The following KIF7 variants were observed in gnomAD, a reference collection of about 807,000 sequenced individuals.
KIF7 encodes kinesin-like protein KIF7.
KIF7 carries 104 observed loss-of-function variants against 135.7 expected under a neutral mutation model. That is an observed-to-expected ratio of 0.77 (90% confidence interval 0.65 to 0.90). KIF7 has a LOEUF of 0.90. Ranked by LOEUF, KIF7 falls within the 40% of genes least tolerant of loss-of-function variation. KIF7 has a pLI of 0.00. For synonymous variants in KIF7, 883 were observed against 809.4 expected, an observed-to-expected ratio of 1.09 and a Z score of -1.54; for missense variants, 2,005 against 1,839.1, an observed-to-expected ratio of 1.09 and a Z score of -1.65.
At chr15:89,635,252 C>A (rs1223528283) in intron 11 of KIF7, among the ~76,000 whole-genome samples, 2 of 152,162 alleles carry the variant, frequency 1.3e-5, no homozygotes, top group Non-Finnish European at 1.5e-5. Flanking sequence ...AAAATGGAAA[C>A]TCTAAAAAGC....
chr15:89,623,939 G>T (rs944004529), downstream of KIF7: 1 of 1,613,954 alleles, frequency 6.2e-7, no homozygotes, highest in Non-Finnish European at 8.5e-7. Flanking sequence ...TTGCCAAACT[G>T]TACTTGGCCA....
intron 18 of KIF7, 81 bp downstream of exon 18, chr15:89,628,895 A>T: frequency 6.2e-7 from 1 of 1,612,012 alleles, no homozygotes; most frequent in South Asian, 1.1e-5. Context: ...TTGAGCCAAT[A>T]AAGGCTCGAG....
At chr15:89,655,259 G>A (rs1334873336) in intron 1 of KIF7, 140 bp downstream of exon 1, 1 of 152,286 alleles carries the variant, frequency 6.6e-6, no homozygotes, top group Non-Finnish European at 1.5e-5. Context: ...CAAGGGTGCC[G>A]GGCTCCTCAT....
chr15:89,625,200 C>T (rs575762088), downstream of KIF7: 113 of 1,613,748 alleles, frequency 7.0e-5, no homozygotes, highest in South Asian at 1.2e-3. Context: ...CCCGCCTCTC[C>T]CACAGCACAC....
In KIF7 at chr15:89,643,878, C is replaced by T. The variant is rs567262385; in HGVS notation, c.2191+1135G>A. ...CCAGCTTGGCAACAGAGTGAGACTC[C>T]GTCTCAGAAAAAAAAAAAAAAAAAA... is the stretch of plus-strand genomic sequence containing the variant. On this transcript the variant is annotated intron_variant, in intron 10 of 18. Transcript: ENST00000394412. Among the ~76,000 whole-genome samples the T allele has an allele frequency of 1.7e-4, 20 of 117,812 alleles. No homozygotes were observed. The South Asian group carries it at 5.7e-3, about 34-fold the overall frequency. The allele number at this position is 117,812 out of a possible 152,430, so 77.3% of individuals were successfully genotyped here. A position where few individuals can be genotyped will look rare whatever the true frequency, so the allele number is the denominator to read the frequency against.
In KIF7 at chr15:89,630,322, CTG is replaced by C. The variant is rs1963645217; in HGVS notation, c.3281_3282del (p.Ser1094Ter). 6.2e-7 allele frequency: 1 copy of C among 1,614,054 alleles called. No individual in the cohort carries two copies. Among genetic ancestry groups the C allele is most frequent in the South Asian group, 1.1e-5 (1 of 91,084 alleles). ...TACTTGCAGAGGAGGGCTCTGGTCT[CTG>C]AGGATGAGAGGTAGCTGAGCTTGGC... ...LMAKLSYLSS[S>X]ETRALLCKYF... On this transcript the variant is annotated frameshift_variant, in exon 16 of 19. Coordinates refer to ENST00000394412, the MANE Select transcript of KIF7 (RefSeq NM_198525.3). LOFTEE classifies it high-confidence loss of function.
chr15:89,633,617 C>G, intron 12 of KIF7, 69 bp downstream of exon 12: 2 of 1,544,628 alleles, frequency 1.3e-6, no homozygotes, highest in Non-Finnish European at 8.8e-7. Flanking sequence ...TGCCTGGGCT[C>G]CCCTGGCTGG....
intron 10 of KIF7, among the ~76,000 whole-genome samples, chr15:89,644,430 T>C (rs1187363951): frequency 6.6e-6 from 1 of 152,000 alleles, no homozygotes; most frequent in Non-Finnish European, 1.5e-5. Flanking sequence ...ATCCCAGCAC[T>C]TGTGGACACT....
chr15:89,618,960 AAAAAT>A (rs1416914276), intron 1 of KIF7, among the ~76,000 whole-genome samples: 11 of 152,206 alleles, frequency 7.2e-5, no homozygotes, highest in South Asian at 2.1e-4. Flanking sequence ...CATGTCTCTA[AAAAAT>A]AAAATAATAA....
chr15:89,657,360 C>A (rs754157077), upstream of KIF7, among the ~76,000 whole-genome samples: 108 of 146,264 alleles, frequency 7.4e-4, no homozygotes, highest in Non-Finnish European at 1.0e-3. Context: ...ATTCTAATTA[C>A]AATTATAGTA....
downstream of KIF7, chr15:89,625,722 G>GAT (rs762865486): frequency 6.2e-7 from 1 of 1,613,372 alleles, no homozygotes; most frequent in East Asian, 2.2e-5. Context: ...AGAGTAAAGA[G>GAT]GGGTCTCCAA....
downstream of KIF7, chr15:89,624,467 G>C (rs755245343): frequency 6.2e-7 from 1 of 1,614,188 alleles, no homozygotes; most frequent in Admixed American, 1.7e-5. Flanking sequence ...AAACGGTGTA[G>C]AAAGACCTCT....
At chr15:89,625,439 C>G (rs745826660), downstream of KIF7, 12 of 1,613,844 alleles carry the variant, frequency 7.4e-6, no homozygotes, top group African/African-American at 1.3e-5. Context: ...GCAGACCTTC[C>G]TGGGAGCCTG....
downstream of KIF7, chr15:89,627,032 C>A (rs774055628): frequency 3.0e-5 from 48 of 1,614,056 alleles, 1 homozygote; most frequent in Middle Eastern, 3.3e-4. Context: ...GGCGCCCCAT[C>A]AGCAGAACTT....
chr15:89,645,830 A>C (rs1964002192), intron 8 of KIF7, 63 bp downstream of exon 8: 1 of 1,584,108 alleles, frequency 6.3e-7, no homozygotes, highest in Non-Finnish European at 8.6e-7. Context: ...TGCGATCCCC[A>C]GCCTGCCTAG....
At chr15:89,644,988 G>A (rs1390535311) in intron 10 of KIF7, 25 bp downstream of exon 10, 1 of 1,606,140 alleles carries the variant, frequency 6.2e-7, no homozygotes, top group South Asian at 1.1e-5. Flanking sequence ...TCGGGTGAGA[G>A]GCCCACCTGA....
intron 1 of KIF7, chr15:89,619,854 G>T: frequency 1.3e-6 from 2 of 1,599,730 alleles, no homozygotes; most frequent in Non-Finnish European, 1.7e-6. Flanking sequence ...TAACATACGG[G>T]CCCCTCTGCC....
chr15:89,621,881 C>A (rs949552608), intron 1 of KIF7, among the ~76,000 whole-genome samples: 1 of 152,074 alleles, frequency 6.6e-6, no homozygotes, highest in African/African-American at 2.4e-5. Flanking sequence ...ATTGCCCACT[C>A]CATCCAGTCA....
chr15:89,657,769 A>G (rs1348008216), upstream of KIF7, among the ~76,000 whole-genome samples: 2 of 152,242 alleles, frequency 1.3e-5, no homozygotes, highest in Non-Finnish European at 2.9e-5. Context: ...AAGAATAATT[A>G]TAGTTACTTG....
Sources: allele counts gnomAD v4.1 joint callset (sites outside exome capture counted in the v4.1 genomes callset), GRCh38; gene constraint gnomAD v4.1.1; transcripts MANE v1.5; gene names NCBI Gene and HGNC (gene_info 2026-07-23, HGNC 2026-07-21).